Variants in BRD2 observed in about 807,000 individuals in gnomAD.
BRD2 encodes bromodomain containing 2, also known as bromodomain-containing protein 2.
Under a neutral mutation model 79.1 loss-of-function variants are expected in BRD2, and 15 were observed. That is an observed-to-expected ratio of 0.19 (90% CI 0.13 to 0.29). BRD2 has a LOEUF of 0.29. BRD2 is among the 10% of genes least tolerant of loss of function. The pLI is 1.00. For missense variants in BRD2, 1,053 were observed against 991.3 expected, an observed-to-expected ratio of 1.06 and a Z score of -0.84; for synonymous variants, 488 against 358.6, an observed-to-expected ratio of 1.36 and a Z score of -4.08.
chr6:32,975,793 G>C (rs1417430163), intron 4 of BRD2, among the ~76,000 whole-genome samples: 1 of 152,068 alleles, frequency 6.6e-6, no homozygotes, highest in Non-Finnish European at 1.5e-5. Flanking sequence ...GTAGACCAGG[G>C]ATCTGTTTTC....
chr6:32,975,502 A>G lies in BRD2; in HGVS notation c.452A>G (p.Asn151Ser), dbSNP rs765160798. The change falls in exon 4 of 13, where the codon AAC (asparagine) becomes AGC (serine). Residue 151 changes from asparagine (N) to serine (S), a missense_variant. Asn to Ser is a conservative substitution (Grantham distance 46). This residue lies in a region of BRD2 where 413 missense variants were observed against 335.1 expected (regional missense o/e 1.23). Coordinates refer to ENST00000374825, the MANE Select transcript of BRD2 (RefSeq NM_005104.4). The part of the protein sequence containing the change: ...CMQDFNTMFT[N>S]CYIYNKPTDD... ...CAAGATTTTAATACCATGTTCACCA[A>G]CTGTTACATTTACAACAAGGTGAGT... 1 of 1,612,238 alleles carries G rather than the reference A, an allele frequency of 6.2e-7. No individual in the cohort carries two copies.
intron 3 of BRD2, chr6:32,975,176 A>AGG: frequency 7.2e-7 from 1 of 1,390,826 alleles, no homozygotes; most frequent in Admixed American, 2.0e-5. Context: ...GAAAGGCAGC[A>AGG]GGGGCCTCCC....
At position 32,972,077 on chromosome 6, in the gene BRD2, C is replaced by T. The variant is rs941086851; in HGVS notation, c.-822C>T. ...TCCCCTTCGACTCAGCTTCTTCACC[C>T]GCGTGAGCGAGCGCGCGCGCGCGGA... is the stretch of plus-strand genomic sequence containing the variant. On this transcript the variant is annotated 5_prime_UTR_variant, in exon 2 of 13. Coordinates refer to ENST00000374825, the MANE Select transcript of BRD2 (RefSeq NM_005104.4). 3 of 696,856 alleles carry T rather than the reference C, an allele frequency of 4.3e-6. No individual in the cohort carries two copies. The highest frequency in any genetic ancestry group is 1.5e-5 in the South Asian group (1 of 66,536). The allele number at this position is 696,856 out of a possible 1,614,324, so 43.2% of individuals were successfully genotyped here. A position where few individuals can be genotyped will look rare whatever the true frequency, so the allele number is the denominator to read the frequency against.
At chr6:32,978,514 C>G in intron 10 of BRD2, 126 bp downstream of exon 10, 1 of 1,477,572 alleles carries the variant, frequency 6.8e-7, no homozygotes. Flanking sequence ...AGCAGTGGTC[C>G]CCAACCTTTT....
chr6:32,972,639 T>A lies in BRD2; in HGVS notation c.-260T>A. On this transcript the variant is annotated 5_prime_UTR_variant, in exon 2 of 13. Coordinates refer to ENST00000374825, the MANE Select transcript of BRD2 (RefSeq NM_005104.4). ...CGTCTTTTGAAGAGTCAGTCCCTCC[T>A]TAGTTGCCCGCCTCAGCTGAGGCCG... 1.7e-6 allele frequency: 1 copy of A among 596,764 alleles called. No homozygotes were observed. Among genetic ancestry groups the A allele is most frequent in the South Asian group, 2.0e-5 (1 of 50,504 alleles). The allele number at this position is 596,764 out of a possible 1,614,324, so 37.0% of individuals were successfully genotyped here.
chr6:32,976,755 G>C lies in BRD2; in HGVS notation c.1019G>C (p.Ser340Thr), dbSNP rs995716936. The C allele has an allele frequency of 6.2e-7, 1 of 1,613,292 alleles. No homozygotes were observed. Among genetic ancestry groups the C allele is most frequent in the Middle Eastern group, 1.6e-4 (1 of 6,062 alleles). Reference protein sequence around the residue: ...DLPDSQQQHQSSKKGKLSEQL... With the variant: ...DLPDSQQQHQTSKKGKLSEQL... ...CCTGACTCTCAGCAACAACACCAGA[G>C]CTCTAAGAAAGGAAAGCTTTCAGAA... The change falls in exon 7 of 13, where the codon AGC becomes ACC. Residue 340 changes from serine (S) to threonine (T), a missense_variant. Coordinates refer to ENST00000374825, the MANE Select transcript of BRD2 (RefSeq NM_005104.4).
In BRD2 at chr6:32,969,067, G is replaced by A. The variant is rs1476943338; in HGVS notation, c.-1305+11G>A. On this transcript the variant is annotated intron_variant, in intron 1 of 12. Coordinates refer to ENST00000374825, the MANE Select transcript of BRD2 (RefSeq NM_005104.4). ...GGCTTTAGGATCCAGGTGAGAAGGG[G>A]CCCTTGTGGGGCGGAGATGTCAGTC... is the stretch of plus-strand genomic sequence containing the variant. The A allele has an allele frequency of 6.4e-6, 3 of 470,080 alleles. No homozygotes were observed. The highest frequency in any genetic ancestry group is 1.2e-5 in the Non-Finnish European group (3 of 258,430). 29.1% of individuals were successfully genotyped at this position (470,080 alleles called of 1,614,324 possible). A position where few individuals can be genotyped will look rare whatever the true frequency, so the allele number is the denominator to read the frequency against.
chr6:32,976,109 G>C lies in BRD2; in HGVS notation c.550G>C (p.Glu184Gln), dbSNP rs1778710266. ...LQKVASMPQE[E>Q]QELVVTIPKN... is the part of the protein sequence containing the mutation. ...GAAGGTTGCATCAATGCCACAAGAA[G>C]AACAAGAGCTGGTAGTGACCATCCC... Residue 184 changes from glutamate to glutamine, a missense_variant, in exon 5 of 13, where the codon GAA becomes CAA. Glu to Gln is a conservative substitution (Grantham distance 29). Around this residue, in one of 5 missense-constraint regions of BRD2, gnomAD observed 413 missense variants for 335.1 expected, o/e 1.23. Coordinates refer to ENST00000374825, the MANE Select transcript of BRD2 (RefSeq NM_005104.4). The C allele has an allele frequency of 3.7e-6, 6 of 1,612,884 alleles. No homozygotes were observed. Among genetic ancestry groups the C allele is most frequent in the Non-Finnish European group, 5.1e-6 (6 of 1,180,004 alleles).
intron 2 of BRD2, 106 bp downstream of exon 2, chr6:32,973,033 T>TG (rs1253204159): frequency 4.3e-6 from 7 of 1,611,418 alleles, no homozygotes; most frequent in Non-Finnish European, 5.9e-6. Context: ...GCGCTGCTGT[T>TG]GCGGCGCAGC....
Position 32,980,451 on chromosome 6 carries a change from G to A in BRD2, c.2256G>A (p.Lys752=). 6.2e-7 allele frequency: 1 copy of A among 1,613,002 alleles called. No individual in the cohort carries two copies. The highest frequency in any genetic ancestry group is 1.6e-4 in the Middle Eastern group (1 of 6,062). Residue 752 remains lysine, a synonymous_variant, in exon 12 of 13, where the codon AAG becomes AAA. Transcript: ENST00000374825. The part of the protein sequence containing the change: ...DVSGQLNSTK[K]PPKKANEKTE... ...GCGGACAGCTCAATTCTACTAAAAAGCCCCCCAAGAAAGGTGAGTATATAC... is the reference window on the plus strand; with the variant it reads ...GCGGACAGCTCAATTCTACTAAAAAACCCCCCAAGAAAGGTGAGTATATAC...
rs1282912133 is a variant in BRD2 at position 32,972,624 on chromosome 6, A to G, written c.-275A>G. 2 of 578,734 alleles carry G rather than the reference A, an allele frequency of 3.5e-6. No individual in the cohort carries two copies. The highest frequency in any genetic ancestry group is 3.1e-6 in the Non-Finnish European group (1 of 325,054). The allele number at this position is 578,734 out of a possible 1,614,324, so 35.8% of individuals were successfully genotyped here. A position where few individuals can be genotyped will look rare whatever the true frequency, so the allele number is the denominator to read the frequency against. On this transcript the variant is annotated 5_prime_UTR_variant, in exon 2 of 13. Coordinates refer to ENST00000374825, the MANE Select transcript of BRD2 (RefSeq NM_005104.4). The stretch of plus-strand genomic sequence containing the variant: ...TCTGAGATCGGGGACCGTCTTTTGA[A>G]GAGTCAGTCCCTCCTTAGTTGCCCG...
intron 2 of BRD2, among the ~76,000 whole-genome samples, chr6:32,974,225 C>CTCTT (rs1778416218): frequency 6.6e-6 from 1 of 152,020 alleles, no homozygotes; most frequent in African/African-American, 2.4e-5. Context: ...ACAGATAGAG[C>CTCTT]CTATCAGACT....
chr6:32,975,179 G>T (rs767732681), intron 3 of BRD2: 11 of 1,376,520 alleles, frequency 8.0e-6, no homozygotes, highest in Non-Finnish European at 9.9e-6. Flanking sequence ...AGGCAGCAGG[G>T]GCCTCCCTGT....
chr6:32,977,355 A>G, intron 7 of BRD2, 87 bp from the exon 8 acceptor site: 1 of 1,610,470 alleles, frequency 6.2e-7, no homozygotes, highest in Non-Finnish European at 8.5e-7. Context: ...TGCTCTCAAG[A>G]GAGGGCTCTT....
rs1198606343 is a variant in BRD2, at chr6:32,978,240, G to A, written c.1693G>A (p.Gly565Ser). 1 of 1,612,956 alleles carries A rather than the reference G, an allele frequency of 6.2e-7. No homozygotes were observed. The highest frequency in any genetic ancestry group is 1.3e-5 in the African/African-American group (1 of 74,926). ...GAAACGGAAGGCAGAGAAGCATCGA[G>A]GCCGAGCTGGGGCCGATGAAGATGA... ...KKKRKAEKHRGRAGADEDDKG... is the reference protein window; with the variant it reads ...KKKRKAEKHRSRAGADEDDKG... Residue 565 changes from glycine (G) to serine (S), a missense_variant, in exon 10 of 13, where the codon GGC (glycine) becomes AGC (serine). Gly to Ser is a moderately conservative substitution (Grantham distance 56). Coordinates refer to ENST00000374825, the MANE Select transcript of BRD2 (RefSeq NM_005104.4).
chr6:32,972,127 G>A lies in BRD2; in HGVS notation c.-772G>A. The A allele has an allele frequency of 1.5e-6, 1 of 674,716 alleles. No individual in the cohort carries two copies. Among genetic ancestry groups the A allele is most frequent in the East Asian group, 2.7e-5 (1 of 36,402 alleles). 41.8% of individuals were successfully genotyped at this position (674,716 alleles called of 1,614,324 possible). A position where few individuals can be genotyped will look rare whatever the true frequency, so the allele number is the denominator to read the frequency against. ...AGGGGGTGGGGAAAAGCTCAAGCAGGGTGGCGCGCATGAGCGGCGAAGCTC... is the reference window on the plus strand; with the variant it reads ...AGGGGGTGGGGAAAAGCTCAAGCAGAGTGGCGCGCATGAGCGGCGAAGCTC... On this transcript the variant is annotated 5_prime_UTR_variant, in exon 2 of 13. Transcript: ENST00000374825.
intron 2 of BRD2, 80 bp downstream of exon 2, chr6:32,973,007 A>G: frequency 6.2e-7 from 1 of 1,613,480 alleles, no homozygotes; most frequent in Non-Finnish European, 8.5e-7. Context: ...TGTTGGGAGT[A>G]CTGAGCGGCC....
chr6:32,972,313 A>G lies in BRD2; in HGVS notation c.-586A>G. 4 of 389,820 alleles carry G rather than the reference A, an allele frequency of 1.0e-5. No individual in the cohort carries two copies. The highest frequency in any genetic ancestry group is 2.0e-5 in the Non-Finnish European group (4 of 204,108). 24.1% of individuals were successfully genotyped at this position (389,820 alleles called of 1,614,324 possible). On this transcript the variant is annotated 5_prime_UTR_variant, in exon 2 of 13. Coordinates refer to ENST00000374825, the MANE Select transcript of BRD2 (RefSeq NM_005104.4). Reference sequence around the variant, plus strand: ...TTACAATCCACCTCCATCCGCTTGGAAATGGCCTTCGTCCCGGCCTATGAC... The same window carrying G: ...TTACAATCCACCTCCATCCGCTTGGGAATGGCCTTCGTCCCGGCCTATGAC...
chr6:32,969,476 A>G, intron 1 of BRD2: 1 of 611,728 alleles, frequency 1.6e-6, no homozygotes, highest in Non-Finnish European at 3.1e-6. Context: ...TTGTGAACTG[A>G]GGTTGTTCCC....
Sources: gnomAD v4.1 joint callset for allele counts (sites outside exome capture counted in the v4.1 genomes callset) on GRCh38, gnomAD v4.1.1 for gene constraint, gnomAD v4.1.1 regional missense constraint, MANE v1.5 for transcripts, NCBI Gene and HGNC (gene_info 2026-07-23, HGNC 2026-07-21) for gene names.